NAALADL2: variants seen among roughly 807,000 people sequenced by gnomAD.
The protein encoded by NAALADL2 is N-acetylated alpha-linked acidic dipeptidase like 2.
In NAALADL2, 76 loss-of-function variants were observed where a neutral mutation model predicts 87.2. The observed-to-expected ratio is 0.87, with a 90% CI of 0.72 to 1.05. NAALADL2 has a LOEUF of 1.05. NAALADL2 is among the 50% of genes least tolerant of loss of function. The pLI, the probability that NAALADL2 is intolerant of heterozygous loss-of-function variation, is 0.00. For missense variants in NAALADL2, 1,089 were observed against 945.8 expected (o/e 1.15, Z -1.99); for synonymous variants, 354 against 331.0 (o/e 1.07, Z -0.75).
intron 2 of NAALADL2, among the ~76,000 whole-genome samples, chr3:175,102,058 A>C (rs2108421456): frequency 6.6e-6 from 1 of 152,334 alleles, no homozygotes; most frequent in Admixed American, 6.5e-5. Context: ...AGAATTTTTT[A>C]AATTAAAATA....
intron 13 of NAALADL2, chr3:175,773,339 T>C (rs1203522496): frequency 6.6e-6 from 1 of 152,168 alleles, no homozygotes; most frequent in Non-Finnish European, 1.5e-5. Flanking sequence ...TTTAGTTTTC[T>C]GTTATTTCTT....
intron 2 of NAALADL2, among the ~76,000 whole-genome samples, chr3:175,131,638 G>A (rs1266229970): frequency 3.3e-5 from 5 of 152,146 alleles, no homozygotes; most frequent in Non-Finnish European, 5.9e-5. Flanking sequence ...ATCCTGGCCC[G>A]TTCTCAATGA....
chr3:175,587,110 C>A (rs1015156965), intron 10 of NAALADL2, among the ~76,000 whole-genome samples: 1 of 152,200 alleles, frequency 6.6e-6, no homozygotes, highest in Admixed American at 6.5e-5. Flanking sequence ...CTGACACCAA[C>A]ACTCATTGAC....
intron 3 of NAALADL2, among the ~76,000 whole-genome samples, chr3:174,786,981 A>G (rs982419217): frequency 1.3e-5 from 2 of 152,104 alleles, no homozygotes; most frequent in African/African-American, 4.8e-5. Flanking sequence ...AAATCAGATA[A>G]AAATAAATCA....
intron 10 of NAALADL2, among the ~76,000 whole-genome samples, chr3:175,585,649 A>G (rs1720440691): frequency 1.3e-5 from 2 of 152,202 alleles, no homozygotes; most frequent in Admixed American, 1.3e-4. Context: ...TCCAAAAAAT[A>G]TAAGTGGAAT....
chr3:175,031,708 T>G (rs1008809770), intron 1 of NAALADL2, among the ~76,000 whole-genome samples: 5 of 152,096 alleles, frequency 3.3e-5, no homozygotes, highest in Non-Finnish European at 5.9e-5. Context: ...CTTTCCACCA[T>G]GACTGAACAA....
chr3:175,270,574 G>A (rs1752682052), intron 4 of NAALADL2, among the ~76,000 whole-genome samples: 1 of 152,184 alleles, frequency 6.6e-6, no homozygotes, highest in Admixed American at 6.5e-5. Context: ...CATTTATTAT[G>A]AGCAAAGAGT....
rs1725379398 is a variant in NAALADL2 at position 175,474,582 on chromosome 3, G to A, written c.1653+2824G>A. On this transcript the variant is annotated intron_variant, in intron 9 of 13. Coordinates refer to ENST00000454872, the MANE Select transcript of NAALADL2 (RefSeq NM_207015.3). ...ACAGTAAGATTCTCCATTCTTCAAT[G>A]TACAGCTTGATGAATTTTGACAAAT... 2.0e-5 allele frequency among the ~76,000 whole-genome samples: 3 copies of A among 152,098 alleles called. No individual in the cohort carries two copies. In the South Asian group the frequency reaches 6.2e-4, roughly 31 times the overall value.
At chr3:174,523,156 G>A (rs1720437385) in intron 1 of NAALADL2, among the ~76,000 whole-genome samples, 1 of 152,098 alleles carries the variant, frequency 6.6e-6, no homozygotes, top group South Asian at 2.1e-4. Flanking sequence ...ATAGTATTTT[G>A]TTATGTTATA....
At chr3:174,831,284 C>T (rs1232701274) in intron 3 of NAALADL2, among the ~76,000 whole-genome samples, 1 of 149,530 alleles carries the variant, frequency 6.7e-6, no homozygotes, top group Non-Finnish European at 1.5e-5. Context: ...TACGTCCCAT[C>T]AATACCTAAT....
chr3:174,889,525 A>G (rs529894880), intron 1 of NAALADL2, among the ~76,000 whole-genome samples: 1 of 152,084 alleles, frequency 6.6e-6, no homozygotes, highest in Non-Finnish European at 1.5e-5. Context: ...GTGCCCTTAT[A>G]TCTCTCATTC....
intron 1 of NAALADL2, among the ~76,000 whole-genome samples, chr3:175,089,918 G>A (rs543511273): frequency 1.3e-5 from 2 of 152,224 alleles, no homozygotes; most frequent in Non-Finnish European, 2.9e-5. Context: ...CTCTATTACA[G>A]TGGCTTTCTT....
chr3:175,704,880 T>C (rs1022918580), intron 11 of NAALADL2, among the ~76,000 whole-genome samples: 8 of 152,172 alleles, frequency 5.3e-5, no homozygotes, highest in Non-Finnish European at 8.8e-5. Flanking sequence ...CATGTAAGTA[T>C]GATGAAACAT....
intron 2 of NAALADL2, among the ~76,000 whole-genome samples, chr3:175,135,751 G>A (rs1729026202): frequency 6.6e-6 from 1 of 152,134 alleles, no homozygotes. Context: ...GTCAGAGATA[G>A]CCAGGTGTCT....
Position 175,691,272 on chromosome 3 carries a change from C to T in NAALADL2, c.1897-46034C>T, listed in dbSNP as rs186789785. Among the ~76,000 whole-genome samples the T allele has an allele frequency of 2.7e-5, 4 of 150,078 alleles. No individual in the cohort carries two copies. In the Admixed American group the frequency reaches 2.7e-4, roughly 10 times the overall value. On this transcript the variant is annotated intron_variant, in intron 11 of 13. Coordinates refer to ENST00000454872, the MANE Select transcript of NAALADL2 (RefSeq NM_207015.3). ...CACACAGATAATATATATATATATA[C>T]ACACAGATGGATAAAACAATTACTA...
At chr3:175,539,460 T>C (rs1486991450) in intron 9 of NAALADL2, among the ~76,000 whole-genome samples, 2 of 152,164 alleles carry the variant, frequency 1.3e-5, no homozygotes, top group Non-Finnish European at 1.5e-5. Context: ...TAAACAAATA[T>C]AAGTAAATAA....
chr3:175,525,881 A>AT (rs1339987611), intron 9 of NAALADL2, among the ~76,000 whole-genome samples: 1 of 152,144 alleles, frequency 6.6e-6, no homozygotes, highest in Non-Finnish European at 1.5e-5. Context: ...AGTCATGATT[A>AT]TTTTTCCGAA....
At chr3:175,735,350 C>T (rs1165311338) in intron 11 of NAALADL2, among the ~76,000 whole-genome samples, 2 of 152,152 alleles carry the variant, frequency 1.3e-5, no homozygotes, top group Non-Finnish European at 1.5e-5. Context: ...TTTTCTGAGC[C>T]CTCCAAACTG....
chr3:174,601,583 C>T (rs1436693448), intron 2 of NAALADL2, among the ~76,000 whole-genome samples: 1 of 152,090 alleles, frequency 6.6e-6, no homozygotes, highest in Non-Finnish European at 1.5e-5. Context: ...TATTTTCTCC[C>T]ATTCTGTGGG....
Sources: allele counts gnomAD v4.1 joint callset (sites outside exome capture counted in the v4.1 genomes callset), GRCh38; gene constraint gnomAD v4.1.1; transcripts MANE v1.5; gene names NCBI Gene and HGNC (gene_info 2026-07-23, HGNC 2026-07-21).